The following PDGFD variants were observed in gnomAD, a reference collection of about 807,000 sequenced individuals.
PDGFD encodes the protein platelet-derived growth factor D.
A neutral mutation model predicts 44.7 loss-of-function variants in PDGFD; 30 were observed. The observed-to-expected ratio is 0.67, with a 90% confidence interval of 0.50 to 0.91. The LOEUF is 0.91. PDGFD is among the 40% of genes least tolerant of loss of function. The probability of loss-of-function intolerance (pLI) is 0.00; values close to 1 mark genes in which losing one functional copy is unlikely to be tolerated. For missense variants in PDGFD, 445 were observed against 457.8 expected, an observed-to-expected ratio of 0.97 and a Z score of 0.25; for synonymous variants, 173 against 168.4, an observed-to-expected ratio of 1.03 and a Z score of -0.21.
intron 1 of PDGFD, among the ~76,000 whole-genome samples, chr11:104,141,232 T>C (rs12226289): frequency 0.13 from 19,787 of 152,074 alleles, 1,416 homozygotes; most frequent in East Asian, 0.29. Context: ...AGGTTTTCAT[T>C]TGTTGTAGGT....
At chr11:104,005,488 T>G (rs1317481801) in intron 1 of PDGFD, among the ~76,000 whole-genome samples, 1 of 152,194 alleles carries the variant, frequency 6.6e-6, no homozygotes, top group Non-Finnish European at 1.5e-5. Flanking sequence ...GAATTATAGA[T>G]ACAAAGAACA....
intron 3 of PDGFD, among the ~76,000 whole-genome samples, chr11:103,954,852 G>C (rs1858812640): frequency 6.6e-6 from 1 of 151,994 alleles, no homozygotes; most frequent in African/African-American, 2.4e-5. Context: ...AAAGACAAAG[G>C]GGTTTGTTAA....
chr11:103,993,882 C>T (rs1180418940), intron 3 of PDGFD, among the ~76,000 whole-genome samples: 1 of 151,856 alleles, frequency 6.6e-6, no homozygotes, highest in Non-Finnish European at 1.5e-5. Context: ...CACAGACCAA[C>T]AGACCAGTAG....
At chr11:104,134,059 G>A (rs2119851556) in intron 1 of PDGFD, among the ~76,000 whole-genome samples, 1 of 152,230 alleles carries the variant, frequency 6.6e-6, no homozygotes, top group South Asian at 2.1e-4. Context: ...ATTCCTATCA[G>A]CCAATAATAA....
chr11:103,938,436 T>G (rs544615735), intron 5 of PDGFD, among the ~76,000 whole-genome samples: 1 of 152,360 alleles, frequency 6.6e-6, no homozygotes, highest in African/African-American at 2.4e-5. Context: ...TTGAGTTCAT[T>G]GTAGATTCTG....
At chr11:104,080,742 T>C (rs970445160) in intron 1 of PDGFD, among the ~76,000 whole-genome samples, 4 of 152,180 alleles carry the variant, frequency 2.6e-5, no homozygotes, top group African/African-American at 4.8e-5. Flanking sequence ...CTTCAATGAA[T>C]AGTGAATAAG....
At chr11:104,150,492 G>A (rs1862226911) in intron 1 of PDGFD, among the ~76,000 whole-genome samples, 1 of 152,152 alleles carries the variant, frequency 6.6e-6, no homozygotes, top group African/African-American at 2.4e-5. Flanking sequence ...TTAGTTTCCT[G>A]TAGCGGCTGT....
intron 5 of PDGFD, among the ~76,000 whole-genome samples, chr11:103,931,033 T>G (rs775384167): frequency 6.6e-6 from 1 of 152,212 alleles, no homozygotes; most frequent in Non-Finnish European, 1.5e-5. Flanking sequence ...AGCAATGATT[T>G]GTCCTCAGTG....
At chr11:104,069,143 T>A (rs72975225) in intron 1 of PDGFD, among the ~76,000 whole-genome samples, 7,529 of 152,316 alleles carry the variant, frequency 0.049, 219 homozygotes, top group Non-Finnish European at 0.074. Context: ...CAGGCTCTTT[T>A]AATCTGAAAG....
intron 3 of PDGFD, among the ~76,000 whole-genome samples, chr11:103,957,860 C>A (rs1858880560): frequency 1.3e-5 from 2 of 152,124 alleles, no homozygotes; most frequent in Non-Finnish European, 2.9e-5. Flanking sequence ...TTGCAAAATA[C>A]TACTTTGTTA....
At chr11:103,924,985 C>CCCAGTGTGT (rs1177650795) in intron 6 of PDGFD, among the ~76,000 whole-genome samples, 3 of 152,092 alleles carry the variant, frequency 2.0e-5, no homozygotes, top group Non-Finnish European at 2.9e-5. Context: ...ACCGACAGCC[C>CCCAGTGTGT]CCAGTGTGTG....
intron 1 of PDGFD, among the ~76,000 whole-genome samples, chr11:104,133,519 A>T (rs1861954785): frequency 6.6e-6 from 1 of 152,166 alleles, no homozygotes; most frequent in Non-Finnish European, 1.5e-5. Context: ...GTTGTCTAGC[A>T]CAAGAGATGA....
chr11:103,924,252 C>T (rs1184894090), intron 6 of PDGFD, among the ~76,000 whole-genome samples: 1 of 152,214 alleles, frequency 6.6e-6, no homozygotes, highest in African/African-American at 2.4e-5. Context: ...CTTGAATGTT[C>T]TTCCTCACAG....
chr11:104,153,047 G>A (rs1862265542), intron 1 of PDGFD, among the ~76,000 whole-genome samples: 1 of 149,748 alleles, frequency 6.7e-6, no homozygotes, highest in African/African-American at 2.5e-5. Flanking sequence ...CATCAATGTT[G>A]CACAAGCTCC....
In PDGFD at chr11:104,004,872, C is replaced by CTTTTTTTT. The variant is rs33979812; in HGVS notation, c.125-4625_125-4618dup. ...ACTTTGAGATAGGTATTATTACCAC[C>CTTTTTTTT]TTTTTTTTTTTTTTTTTTTTTTTTG... On this transcript the variant is annotated intron_variant, in intron 1 of 6. Coordinates refer to ENST00000393158, the MANE Select transcript of PDGFD (RefSeq NM_025208.5). 7.0e-4 allele frequency among the ~76,000 whole-genome samples: 50 copies of CTTTTTTTT among 71,894 alleles called. 1 individual carries two copies. Among genetic ancestry groups the CTTTTTTTT allele is most frequent in the Non-Finnish European group, 9.3e-4 (39 of 41,764 alleles). 47.2% of individuals were successfully genotyped at this position (71,894 alleles called of 152,430 possible). A position where few individuals can be genotyped will look rare whatever the true frequency, so the allele number is the denominator to read the frequency against.
rs377076438 is a variant in PDGFD, at chr11:104,022,219, T to C, written c.125-21964A>G. On this transcript the variant is annotated intron_variant, in intron 1 of 6. Transcript: ENST00000393158. ...TCTTCAGTTTGCTTTCTTAAAATAG[T>C]TATGATAAAGTAAAAGTAGAGTTTG... Among the ~76,000 whole-genome samples, 29 of 152,284 alleles carry C rather than the reference T, an allele frequency of 1.9e-4. No homozygotes were observed. In the South Asian group the frequency reaches 5.8e-3, roughly 30 times the overall value.
At chr11:104,154,633 A>G (rs1342160123) in intron 1 of PDGFD, among the ~76,000 whole-genome samples, 1 of 152,176 alleles carries the variant, frequency 6.6e-6, no homozygotes, top group Non-Finnish European at 1.5e-5. Context: ...ACTAGAACAT[A>G]CCTGTTGGCT....
intron 3 of PDGFD, among the ~76,000 whole-genome samples, chr11:103,995,593 A>G (rs1039156684): frequency 6.6e-6 from 1 of 152,204 alleles, no homozygotes; most frequent in South Asian, 2.1e-4. Context: ...CTCTATGATT[A>G]TAACACAGAC....
At chr11:103,981,225 C>T (rs990242606) in intron 3 of PDGFD, among the ~76,000 whole-genome samples, 1 of 151,610 alleles carries the variant, frequency 6.6e-6, no homozygotes, top group Non-Finnish European at 1.5e-5. Context: ...TTCTTGCAAA[C>T]TCCCTTACCG....
Sources: allele counts gnomAD v4.1 joint callset (sites outside exome capture counted in the v4.1 genomes callset), GRCh38; gene constraint gnomAD v4.1.1; transcripts MANE v1.5; gene names NCBI Gene and HGNC (gene_info 2026-07-23, HGNC 2026-07-21).